The following KANK4 variants were observed in gnomAD, a reference collection of about 807,000 sequenced individuals.
KANK4 encodes KN motif and ankyrin repeat domain-containing protein 4.
In KANK4, 50 loss-of-function variants were observed where a neutral mutation model predicts 80.8. That is an observed-to-expected ratio of 0.62 (90% CI 0.49 to 0.78). The LOEUF (loss-of-function observed/expected upper bound fraction) is 0.78, where lower values mean the gene tolerates loss of function less well. Among genes scored for constraint, KANK4 ranks in the 30% least tolerant of loss-of-function variants. The pLI is 0.00. For missense variants in KANK4, 1,196 were observed against 1,240.1 expected (o/e 0.96, Z 0.53); for synonymous variants, 465 against 506.9 (o/e 0.92, Z 1.11).
At chr1:62,292,905 A>G (rs1329496059) in intron 1 of KANK4, among the ~76,000 whole-genome samples, 1 of 152,170 alleles carries the variant, frequency 6.6e-6, no homozygotes, top group Admixed American at 6.5e-5. Flanking sequence ...TAGTCCTGCC[A>G]TCCACCTTTG....
At chr1:62,278,678 A>G (rs1672380150) in intron 2 of KANK4, among the ~76,000 whole-genome samples, 1 of 151,972 alleles carries the variant, frequency 6.6e-6, no homozygotes. Flanking sequence ...TACAGGCATG[A>G]GCCACCACGC....
At chr1:62,283,076 G>A (rs1672485764) in intron 1 of KANK4, among the ~76,000 whole-genome samples, 1 of 152,216 alleles carries the variant, frequency 6.6e-6, no homozygotes, top group Non-Finnish European at 1.5e-5. Context: ...CCCAGGCAGA[G>A]AACACCGCTG....
rs376258181 is a variant in KANK4, at chr1:62,274,229, G to C, written c.875C>G (p.Pro292Arg). Residue 292 changes from proline to arginine, a missense_variant, in exon 3 of 10, where the codon CCC (proline) becomes CGC (arginine). By Grantham distance (103) the Pro-to-Arg change is moderately radical. This residue lies in a region of KANK4 where 1,154 missense variants were observed against 1,179.6 expected (regional missense o/e 0.98). Transcript: ENST00000371153. ...CAGGAGGAGCTCATTCTCAGGGATG[G>C]GTGATGGCAGAGGTGGCGGGCTTGG... ...PTPSPPPLPS[P>R]IPENELLLEE... 8.1e-6 allele frequency: 13 copies of C among 1,613,984 alleles called. No individual in the cohort carries two copies. The African/African-American group carries it at 1.6e-4, about 20-fold the overall frequency.
In KANK4 at chr1:62,274,194, C is replaced by T. The variant is rs371348159; in HGVS notation, c.910G>A (p.Glu304Lys). ...GGTGGAATCTCGCTGATGTTGAGCT[C>T]GATTTCTTCCAGGAGGAGCTCATTC... ...PENELLLEEI[E>K]LNISEIPPPP... The change falls in exon 3 of 10, where the codon GAG (glutamate) becomes AAG (lysine). Residue 304 changes from glutamate to lysine, a missense_variant. This residue lies in a region of KANK4 where 1,154 missense variants were observed against 1,179.6 expected (regional missense o/e 0.98). Coordinates refer to ENST00000371153, the MANE Select transcript of KANK4 (RefSeq NM_181712.5). 2.0e-5 allele frequency: 33 copies of T among 1,613,972 alleles called. No homozygotes were observed. The highest frequency in any genetic ancestry group is 2.5e-5 in the Non-Finnish European group (29 of 1,180,036).
intron 4 of KANK4, among the ~76,000 whole-genome samples, chr1:62,270,925 C>G (rs979680135): frequency 6.6e-6 from 1 of 152,104 alleles, no homozygotes; most frequent in Non-Finnish European, 1.5e-5. Flanking sequence ...TCTCCACGAC[C>G]GAGCACACTG....
chr1:62,291,287 C>T (rs1424957617), intron 1 of KANK4, among the ~76,000 whole-genome samples: 1 of 152,052 alleles, frequency 6.6e-6, no homozygotes, highest in Non-Finnish European at 1.5e-5. Flanking sequence ...CTTGTTTGTT[C>T]GTTGTTGCTG....
At chr1:62,252,271 T>C (rs2149123398) in intron 8 of KANK4, among the ~76,000 whole-genome samples, 1 of 152,336 alleles carries the variant, frequency 6.6e-6, no homozygotes, top group Non-Finnish European at 1.5e-5. Flanking sequence ...CTCTGGCTAT[T>C]ACATTTGTGT....
chr1:62,277,011 G>A (rs1672330156), intron 2 of KANK4, among the ~76,000 whole-genome samples: 1 of 152,132 alleles, frequency 6.6e-6, no homozygotes, highest in African/African-American at 2.4e-5. Context: ...CAAAATAGCT[G>A]TGATTCAATT....
At chr1:62,314,674 A>C (rs1310790482) in intron 1 of KANK4, among the ~76,000 whole-genome samples, 1 of 148,204 alleles carries the variant, frequency 6.7e-6, no homozygotes, top group African/African-American at 2.5e-5. Context: ...CCTTCCATGC[A>C]AAGGGGGAAA....
Position 62,292,016 on chromosome 1 carries a change from G to A in KANK4, c.-70-10382C>T, listed in dbSNP as rs187333917. 2.5e-4 allele frequency among the ~76,000 whole-genome samples: 38 copies of A among 152,052 alleles called. No individual in the cohort carries two copies. The South Asian group carries it at 3.1e-3, about 12-fold the overall frequency. The stretch of plus-strand genomic sequence containing the variant: ...CACCCCAAAAAGAAATGCCCTACTC[G>A]TTAGCAGTTATTCCCTATTCCCTCC... On this transcript the variant is annotated intron_variant, in intron 1 of 9. Coordinates refer to ENST00000371153, the MANE Select transcript of KANK4 (RefSeq NM_181712.5).
At chr1:62,264,879 T>C (rs964968691) in intron 6 of KANK4, among the ~76,000 whole-genome samples, 2 of 152,234 alleles carry the variant, frequency 1.3e-5, no homozygotes, top group Non-Finnish European at 2.9e-5. Flanking sequence ...TGGCCCAGGC[T>C]GGAGTGCAGT....
intron 1 of KANK4, among the ~76,000 whole-genome samples, chr1:62,296,324 C>A (rs367965192): frequency 6.6e-6 from 1 of 152,178 alleles, no homozygotes; most frequent in South Asian, 2.1e-4. Flanking sequence ...TCACCTCCCC[C>A]GCCTCTGGCA....
At chr1:62,268,533 C>G in intron 4 of KANK4, 28 bp from the exon 5 acceptor site, 1 of 1,583,468 alleles carries the variant, frequency 6.3e-7, no homozygotes, top group Non-Finnish European at 8.7e-7. Flanking sequence ...GGTCACTCGT[C>G]CTGTCTTTCC....
Position 62,237,485 on chromosome 1 carries a change from C to T in KANK4, c.*792G>A, listed in dbSNP as rs981317291. 8 of 152,120 alleles carry T rather than the reference C, an allele frequency of 5.3e-5. No individual in the cohort carries two copies. Among genetic ancestry groups the T allele is most frequent in the Admixed American group, 5.2e-4 (8 of 15,274 alleles). The allele number at this position is 152,120 out of a possible 1,614,324, so 9.4% of individuals were successfully genotyped here. The stretch of plus-strand genomic sequence containing the variant: ...ACAGACTCAAAATAGCTGAGAGAAT[C>T]TGACTCTGCCCAAATACATGTGGTG... On this transcript the variant is annotated 3_prime_UTR_variant, in exon 10 of 10. Transcript: ENST00000371153.
At chr1:62,284,153 C>T (rs1217585695) in intron 1 of KANK4, among the ~76,000 whole-genome samples, 5 of 152,178 alleles carry the variant, frequency 3.3e-5, no homozygotes, top group Non-Finnish European at 7.3e-5. Flanking sequence ...CCTCCATGGT[C>T]CTAGCAACAG....
rs1671933248 is a variant in KANK4 at position 62,263,207 on chromosome 1, G to A, written c.2424C>T (p.His808=). 1 of 1,613,864 alleles carries A rather than the reference G, an allele frequency of 6.2e-7. No homozygotes were observed. The highest frequency in any genetic ancestry group is 1.3e-5 in the African/African-American group (1 of 74,888). Residue 808 remains histidine (H), a synonymous_variant, in exon 7 of 10, where the codon CAC becomes CAT. Transcript: ENST00000371153. The part of the protein sequence containing the change: ...VASYLHEVQP[H]SPHFLKLLVN... Reference sequence around the variant, plus strand: ...CAAGCAGTTTCAGGAAGTGTGGGGAGTGAGGCTGGACCTCGTGGAGGTAGG... The same window carrying A: ...CAAGCAGTTTCAGGAAGTGTGGGGAATGAGGCTGGACCTCGTGGAGGTAGG...
At chr1:62,307,101 C>T (rs1644458022) in intron 1 of KANK4, among the ~76,000 whole-genome samples, 1 of 152,184 alleles carries the variant, frequency 6.6e-6, no homozygotes, top group South Asian at 2.1e-4. Context: ...CCTGGCCCCA[C>T]CTTCACTTCG....
intron 1 of KANK4, among the ~76,000 whole-genome samples, chr1:62,293,930 C>G (rs1465601403): frequency 6.6e-6 from 1 of 152,198 alleles, no homozygotes; most frequent in Non-Finnish European, 1.5e-5. Flanking sequence ...TGTTCAGCTA[C>G]TTCATATCCC....
intron 1 of KANK4, among the ~76,000 whole-genome samples, chr1:62,317,102 A>G (rs4915610): frequency 0.61 from 93,178 of 152,032 alleles, 28,703 homozygotes; most frequent in Admixed American, 0.66. Context: ...AACATATTGA[A>G]GGTGCTCATT....
Sources: gnomAD v4.1 joint callset for allele counts (sites outside exome capture counted in the v4.1 genomes callset) on GRCh38, gnomAD v4.1.1 for gene constraint, gnomAD v4.1.1 regional missense constraint, MANE v1.5 for transcripts, NCBI Gene and HGNC (gene_info 2026-07-23, HGNC 2026-07-21) for gene names.